The following PPP1R11 variants were observed in gnomAD, a reference collection of about 807,000 sequenced individuals.
The protein encoded by PPP1R11 is E3 ubiquitin-protein ligase PPP1R11.
A neutral mutation model predicts 11.3 loss-of-function variants in PPP1R11; 10 were observed. The observed-to-expected ratio is 0.88, with a 90% CI of 0.55 to 1.50. The LOEUF is 1.50. Among genes scored for constraint, PPP1R11 ranks in the 40% most tolerant of loss-of-function variants. PPP1R11 has a pLI of 0.00. For synonymous variants in PPP1R11, 56 were observed against 62.3 expected, an observed-to-expected ratio of 0.90 and a Z score of 0.48; for missense variants, 114 against 179.1, an observed-to-expected ratio of 0.64 and a Z score of 2.07.
chr6:30,069,377 C>A lies in PPP1R11; in HGVS notation c.*71C>A. On this transcript the variant is annotated 3_prime_UTR_variant, in exon 3 of 3. Transcript: ENST00000376772. This position sits in a 1 kb window ranked among gnomAD's most constrained non-coding sequence, Gnocchi z 6.6. ...TATCCATGTGGCTACTTCTCCAGCC[C>A]CCTCCTTCCCTCTCTTCTGCCTGAT... The A allele has an allele frequency of 8.6e-7, 1 of 1,158,208 alleles. No homozygotes were observed. Among genetic ancestry groups the A allele is most frequent in the Non-Finnish European group, 1.2e-6 (1 of 822,048 alleles). 71.7% of individuals were successfully genotyped at this position (1,158,208 alleles called of 1,614,324 possible).
At chr6:30,064,556 G>C (rs1476009632), upstream of PPP1R11, 2 of 854,136 alleles carry the variant, frequency 2.3e-6, no homozygotes, top group African/African-American at 3.5e-5. Context: ...AGGGGAGCCA[G>C]TCCTCAATGA....
At chr6:30,066,532 T>C (rs1765541870), upstream of PPP1R11, among the ~76,000 whole-genome samples, 1 of 152,266 alleles carries the variant, frequency 6.6e-6, no homozygotes, top group African/African-American at 2.4e-5. Flanking sequence ...AAATCAGACA[T>C]GGCATTTGTT....
At chr6:30,065,716 A>C (rs1175609078), upstream of PPP1R11, among the ~76,000 whole-genome samples, 2 of 152,146 alleles carry the variant, frequency 1.3e-5, no homozygotes, top group Non-Finnish European at 1.5e-5. This position sits in a 1 kb window ranked among gnomAD's most constrained non-coding sequence, Gnocchi z 5.3. Context: ...AGAAAAAAGT[A>C]AAGTCACAAG....
rs1221913204 is a variant in PPP1R11 at position 30,069,552 on chromosome 6, G to T, written c.*246G>T. 4.7e-6 allele frequency: 2 copies of T among 422,688 alleles called. No homozygotes were observed. Among genetic ancestry groups the T allele is most frequent in the Non-Finnish European group, 4.2e-6 (1 of 240,118 alleles). The allele number at this position is 422,688 out of a possible 1,614,324, so 26.2% of individuals were successfully genotyped here. A position where few individuals can be genotyped will look rare whatever the true frequency, so the allele number is the denominator to read the frequency against. ...GAGGGATCTAGGCACCTTGGTCCCA[G>T]TGTCTTCCTTTTGTTCTCACTGCCA... On this transcript the variant is annotated 3_prime_UTR_variant, in exon 3 of 3. Coordinates refer to ENST00000376772, the MANE Select transcript of PPP1R11 (RefSeq NM_021959.3). The surrounding 1 kb of genome is among the most constrained non-coding windows in gnomAD (Gnocchi z 6.6).
chr6:30,061,877 T>G, upstream of PPP1R11: 1 of 1,600,078 alleles, frequency 6.2e-7, no homozygotes, highest in South Asian at 1.1e-5. This position sits in a 1 kb window ranked among gnomAD's most constrained non-coding sequence, Gnocchi z 5.0. Context: ...GTCAGCTCTC[T>G]CTGGTTGTCT....
upstream of PPP1R11, chr6:30,067,194 A>G (rs912475146): frequency 1.3e-5 from 7 of 524,642 alleles, no homozygotes; most frequent in Non-Finnish European, 2.4e-5. Flanking sequence ...GGACTGCAGT[A>G]TGCGTCACAC....
chr6:30,066,853 CT>C (rs1414205977), upstream of PPP1R11: 1 of 153,978 alleles, frequency 6.5e-6, no homozygotes, highest in African/African-American at 2.4e-5. Flanking sequence ...ACTATTGCTC[CT>C]TAAGCTTCCT....
At chr6:30,063,732 G>A (rs1765296264), upstream of PPP1R11, among the ~76,000 whole-genome samples, 1 of 152,066 alleles carries the variant, frequency 6.6e-6, no homozygotes, top group Admixed American at 6.5e-5. This position sits in a 1 kb window ranked among gnomAD's most constrained non-coding sequence, Gnocchi z 4.1. Flanking sequence ...GGCGAGTGCT[G>A]TATTCTCAGC....
rs1561972289 is a variant in PPP1R11 at position 30,067,438 on chromosome 6, G to T, written c.28G>T (p.Glu10Ter). The change falls in exon 1 of 3, where the codon GAG (glutamate) becomes TAG (stop). Residue 10 changes from glutamate to a stop codon, truncating the protein, a stop_gained. Coordinates refer to ENST00000376772, the MANE Select transcript of PPP1R11 (RefSeq NM_021959.3). LOFTEE classifies it high-confidence loss of function. MAEAGAGLS[E>*]TVTETTVTVT... ...GGCCGAGGCAGGGGCTGGGCTGAGC[G>T]AGACCGTCACTGAGACAACGGTTAC... 3 of 1,614,170 alleles carry T rather than the reference G, an allele frequency of 1.9e-6. No homozygotes were observed. Among genetic ancestry groups the T allele is most frequent in the Non-Finnish European group, 1.7e-6 (2 of 1,180,022 alleles).
chr6:30,068,224 C>G (rs1765674299), intron 1 of PPP1R11: 1 of 166,560 alleles, frequency 6.0e-6, no homozygotes, highest in African/African-American at 2.4e-5. Context: ...GAAGGGAGAT[C>G]AAAGATTAGG....
chr6:30,064,320 AAAG>A (rs144856153), upstream of PPP1R11, among the ~76,000 whole-genome samples: 7,893 of 152,008 alleles, frequency 0.052, 257 homozygotes, highest in Admixed American at 0.068. Flanking sequence ...TTTTAAATAA[AAAG>A]AAGATTTTTT....
the PPP1R11 span, chr6:30,061,383 C>T: frequency 3.9e-4 from 350 of 904,820 alleles, 5 homozygotes; most frequent in East Asian, 8.7e-3. This position sits in a 1 kb window ranked among gnomAD's most constrained non-coding sequence, Gnocchi z 5.0. Context: ...GCTCCTTGGT[C>T]GCAGAGGCAG....
upstream of PPP1R11, chr6:30,064,735 T>G: frequency 6.3e-7 from 1 of 1,598,632 alleles, no homozygotes. Context: ...CTCCCTCCTT[T>G]CGGAAGGTGA....
chr6:30,068,026 G>T (rs1765663465), intron 1 of PPP1R11, among the ~76,000 whole-genome samples: 1 of 152,152 alleles, frequency 6.6e-6, no homozygotes, highest in South Asian at 2.1e-4. Flanking sequence ...AAAGGGAGAA[G>T]GTTGCATTGG....
At chr6:30,066,981 C>T (rs1331787951), upstream of PPP1R11, 1 of 176,034 alleles carries the variant, frequency 5.7e-6, no homozygotes, top group African/African-American at 2.4e-5. Flanking sequence ...CAATACCCAT[C>T]TGGGCGCCCC....
At chr6:30,068,513 G>A in intron 1 of PPP1R11, 77 bp from the exon 2 acceptor site, 3 of 1,185,972 alleles carry the variant, frequency 2.5e-6, no homozygotes, top group Non-Finnish European at 3.7e-6. Context: ...GAAGAAAAGA[G>A]AGGAGGTTCC....
upstream of PPP1R11, among the ~76,000 whole-genome samples, chr6:30,066,478 A>G (rs1198878245): frequency 6.6e-6 from 1 of 152,256 alleles, no homozygotes; most frequent in African/African-American, 2.4e-5. Context: ...ATCACCCCAG[A>G]GAGAACGAAT....
the PPP1R11 span, chr6:30,061,577 AT>A: frequency 6.2e-7 from 1 of 1,612,976 alleles, no homozygotes; most frequent in Non-Finnish European, 8.5e-7. The surrounding 1 kb of genome is among the most constrained non-coding windows in gnomAD (Gnocchi z 5.0). Flanking sequence ...TCGGACCTGG[AT>A]TTCTGTTCAG....
chr6:30,062,520 A>T (rs1208376159), upstream of PPP1R11, among the ~76,000 whole-genome samples: 1 of 144,694 alleles, frequency 6.9e-6, no homozygotes, highest in Non-Finnish European at 1.5e-5. Context: ...CCTTTTTATA[A>T]CCAGTGAAAT....
Sources: allele counts gnomAD v4.1 joint callset (sites outside exome capture counted in the v4.1 genomes callset), GRCh38; gene constraint gnomAD v4.1.1; non-coding constraint Gnocchi (gnomAD v3.1); transcripts MANE v1.5; gene names NCBI Gene and HGNC (gene_info 2026-07-23, HGNC 2026-07-21).